The following CENPQ variants were observed in gnomAD, a reference collection of about 807,000 sequenced individuals.
CENPQ encodes chromosome 6 open reading frame 139.
CENPQ carries 27 observed loss-of-function variants against 36.6 expected under a neutral mutation model. The ratio of observed to expected loss-of-function variants is 0.74; its 90% confidence interval spans 0.54 to 1.02. CENPQ has a LOEUF of 1.02. Ranked by LOEUF, CENPQ falls within the 50% of genes least tolerant of loss-of-function variation. The pLI is 0.00. For synonymous variants in CENPQ, 101 were observed against 101.7 expected, an observed-to-expected ratio of 0.99 and a Z score of 0.04; for missense variants, 306 against 301.8, an observed-to-expected ratio of 1.01 and a Z score of -0.10.
At chr6:49,478,068 T>C (rs1768346252) in intron 5 of CENPQ, among the ~76,000 whole-genome samples, 1 of 152,156 alleles carries the variant, frequency 6.6e-6, no homozygotes, top group South Asian at 2.1e-4. Flanking sequence ...GCCTGACTAT[T>C]TCCTCCTTAT....
intron 1 of CENPQ, among the ~76,000 whole-genome samples, chr6:49,464,299 T>TA (rs1767944167): frequency 6.6e-6 from 1 of 152,182 alleles, no homozygotes; most frequent in Admixed American, 6.5e-5. Flanking sequence ...AATTTTAAAA[T>TA]ATTTTATTGC....
intron 6 of CENPQ, among the ~76,000 whole-genome samples, chr6:49,486,255 GC>G (rs2062876258): frequency 6.6e-6 from 1 of 152,180 alleles, no homozygotes; most frequent in African/African-American, 2.4e-5. Flanking sequence ...AGGGATTGTG[GC>G]CCTGCCAACA....
At chr6:49,470,546 C>A (rs534527200) in intron 2 of CENPQ, among the ~76,000 whole-genome samples, 2 of 147,090 alleles carry the variant, frequency 1.4e-5, no homozygotes, top group Non-Finnish European at 3.0e-5. Flanking sequence ...TGCTTGAACC[C>A]GGGAGGCAGA....
chr6:49,464,504 T>C (rs1767949937), intron 1 of CENPQ, among the ~76,000 whole-genome samples: 1 of 152,228 alleles, frequency 6.6e-6, no homozygotes, highest in Non-Finnish European at 1.5e-5. Flanking sequence ...ACTAAAGATT[T>C]CTCTGTAGCA....
intron 6 of CENPQ, among the ~76,000 whole-genome samples, chr6:49,486,974 C>A (rs1768597814): frequency 6.6e-6 from 1 of 150,780 alleles, no homozygotes. Flanking sequence ...TGGTGAAACC[C>A]TGTCTCTACT....
intron 1 of CENPQ, among the ~76,000 whole-genome samples, chr6:49,469,603 A>G (rs983459834): frequency 2.1e-4 from 32 of 152,204 alleles, no homozygotes; most frequent in African/African-American, 7.7e-4. Context: ...AAATGCACAT[A>G]GCCCAGATAG....
chr6:49,482,301 A>G (rs1030066148), intron 6 of CENPQ, among the ~76,000 whole-genome samples: 18 of 152,198 alleles, frequency 1.2e-4, no homozygotes, highest in African/African-American at 3.6e-4. Flanking sequence ...GGGCTCCTCA[A>G]GTGCCACCAA....
rs1386337782 is a variant in CENPQ, at chr6:49,475,295, G to A, written c.347+2437G>A. 2.6e-5 allele frequency among the ~76,000 whole-genome samples: 4 copies of A among 152,158 alleles called. No homozygotes were observed. The East Asian group carries it at 7.7e-4, about 29-fold the overall frequency. On this transcript the variant is annotated intron_variant, in intron 5 of 8. Transcript: ENST00000335783. ...GTTCAACATCAATAAACGTAATCCA[G>A]CATATAAACCAAACCAAAAACAAAA...
rs756408768 is a variant in CENPQ, at chr6:49,493,073, T to C, written c.*798T>C. Reference sequence around the variant, plus strand: ...TGTCTTGGGTTTTTTTTTTTTTTTTTAGTCTGTAAAATAAAATGACTGCAA... The same window carrying C: ...TGTCTTGGGTTTTTTTTTTTTTTTTCAGTCTGTAAAATAAAATGACTGCAA... On this transcript the variant is annotated 3_prime_UTR_variant, in exon 9 of 9. Coordinates refer to ENST00000335783, the MANE Select transcript of CENPQ (RefSeq NM_018132.4). 7.1e-6 allele frequency: 1 copy of C among 140,432 alleles called. No individual in the cohort carries two copies. The allele number at this position is 140,432 out of a possible 1,614,324, so 8.7% of individuals were successfully genotyped here.
At chr6:49,466,520 T>C (rs771376591) in intron 1 of CENPQ, among the ~76,000 whole-genome samples, 1 of 152,208 alleles carries the variant, frequency 6.6e-6, no homozygotes, top group Non-Finnish European at 1.5e-5. Context: ...AGTCATTCGC[T>C]CACTTGCCTC....
chr6:49,465,778 G>A (rs1368902293), intron 1 of CENPQ, among the ~76,000 whole-genome samples: 1 of 152,204 alleles, frequency 6.6e-6, no homozygotes, highest in Admixed American at 6.5e-5. Flanking sequence ...TTAAGGGCGT[G>A]TTGTGGCTAG....
intron 2 of CENPQ, among the ~76,000 whole-genome samples, chr6:49,470,688 G>A (rs1768110943): frequency 6.9e-6 from 1 of 145,498 alleles, no homozygotes; most frequent in Non-Finnish European, 1.5e-5. Context: ...GCCTATATTT[G>A]TATATAACAT....
At chr6:49,487,284 AGAC>A (rs1301798154) in intron 6 of CENPQ, among the ~76,000 whole-genome samples, 3 of 151,352 alleles carry the variant, frequency 2.0e-5, no homozygotes, top group African/African-American at 7.3e-5. Context: ...GTAAGGGGCC[AGAC>A]AACATTTTAG....
intron 5 of CENPQ, among the ~76,000 whole-genome samples, chr6:49,475,417 TG>T (rs1240269483): frequency 6.6e-6 from 1 of 152,132 alleles, no homozygotes; most frequent in African/African-American, 2.4e-5. Context: ...ATTGAGGGGA[TG>T]TATCTGAAAA....
intron 6 of CENPQ, 44 bp downstream of exon 6, chr6:49,481,124 A>G (rs1768418955): frequency 1.3e-6 from 2 of 1,504,726 alleles, no homozygotes; most frequent in South Asian, 1.4e-5. Flanking sequence ...GAGTTAGGGA[A>G]AGGGAAGAAG....
In CENPQ at chr6:49,492,519, C is replaced by T. The variant is rs953472461; in HGVS notation, c.*244C>T. ...TATTGCTGTATCTATAAGTATTTGC[C>T]TAAAACCATAAAATAGGAATTGCCT... On this transcript the variant is annotated 3_prime_UTR_variant, in exon 9 of 9. Transcript: ENST00000335783. 3.0e-6 allele frequency: 1 copy of T among 328,782 alleles called. No individual in the cohort carries two copies. The highest frequency in any genetic ancestry group is 5.4e-6 in the Non-Finnish European group (1 of 184,558). 20.4% of individuals were successfully genotyped at this position (328,782 alleles called of 1,614,324 possible). A position where few individuals can be genotyped will look rare whatever the true frequency, so the allele number is the denominator to read the frequency against.
intron 5 of CENPQ, among the ~76,000 whole-genome samples, chr6:49,479,189 T>C (rs1373498428): frequency 1.3e-5 from 2 of 152,130 alleles, no homozygotes; most frequent in African/African-American, 4.8e-5. Flanking sequence ...TGCTGCCTAC[T>C]TTTTTCTTTA....
At position 49,480,833 on chromosome 6, in the gene CENPQ, G is replaced by A. The variant is rs181069224; in HGVS notation, c.348-118G>A. On this transcript the variant is annotated intron_variant, in intron 5 of 8. Coordinates refer to ENST00000335783, the MANE Select transcript of CENPQ (RefSeq NM_018132.4). ...AGATTTACTGGCAATGTTACCCAGT[G>A]GTAATAAAAGAATATTGTACCCTTA... 33 of 526,196 alleles carry A rather than the reference G, an allele frequency of 6.3e-5. No homozygotes were observed. In the African/African-American group the frequency reaches 6.5e-4, roughly 10 times the overall value. The allele number at this position is 526,196 out of a possible 1,614,324, so 32.6% of individuals were successfully genotyped here.
At chr6:49,485,459 GACAAT>G (rs1344997163) in intron 6 of CENPQ, among the ~76,000 whole-genome samples, 5 of 151,960 alleles carry the variant, frequency 3.3e-5, no homozygotes, top group Non-Finnish European at 7.4e-5. Flanking sequence ...AAGAAAATAT[GACAAT>G]AAAGACCAAA....
Sources: allele counts gnomAD v4.1 joint callset (sites outside exome capture counted in the v4.1 genomes callset), GRCh38; gene constraint gnomAD v4.1.1; transcripts MANE v1.5; gene names NCBI Gene and HGNC (gene_info 2026-07-23, HGNC 2026-07-21).